DPF1: variants seen among roughly 807,000 people sequenced by gnomAD.
DPF1 encodes the protein double PHD fingers 1.
A neutral mutation model predicts 58.7 loss-of-function variants in DPF1; 14 were observed. That is an observed-to-expected ratio of 0.24 (90% CI 0.16 to 0.37). The LOEUF is 0.37. Ranked by LOEUF, DPF1 falls within the 10% of genes least tolerant of loss-of-function variation. The probability of loss-of-function intolerance (pLI) is 1.00; values close to 1 mark genes in which losing one functional copy is unlikely to be tolerated. For synonymous variants in DPF1, 216 were observed against 216.0 expected, an observed-to-expected ratio of 1.00 and a Z score of 0.00; for missense variants, 345 against 529.9, an observed-to-expected ratio of 0.65 and a Z score of 3.43.
chr19:38,218,483 G>A, intron 5 of DPF1, 90 bp downstream of exon 5: 1 of 1,372,942 alleles, frequency 7.3e-7, no homozygotes, highest in Admixed American at 1.7e-5. Flanking sequence ...ACTGAGGTCA[G>A]ACTGTGGCAG....
At position 38,211,873 on chromosome 19, in the gene DPF1, G is replaced by A. The variant is rs1600226352; in HGVS notation, c.*190C>T. 1 of 620,114 alleles carries A rather than the reference G, an allele frequency of 1.6e-6. No homozygotes were observed. The allele number at this position is 620,114 out of a possible 1,614,324, so 38.4% of individuals were successfully genotyped here. ...CAGAGAGGGAGGGAGGGAGGGAGAG[G>A]CCCTGGCCGGGCCCACCCACCCACA... On this transcript the variant is annotated 3_prime_UTR_variant, in exon 12 of 12. Transcript: ENST00000355526. The surrounding 1 kb of genome is among the most constrained non-coding windows in gnomAD (Gnocchi z 4.0).
In DPF1 at chr19:38,217,503, G is replaced by A. The variant is rs1203633711; in HGVS notation, c.684C>T (p.Ala228=). 6 of 1,551,194 alleles carry A rather than the reference G, an allele frequency of 3.9e-6. No homozygotes were observed. In the East Asian group the frequency reaches 7.3e-5, roughly 19 times the overall value. The stretch of plus-strand genomic sequence containing the variant: ...GGTGGAAGGGCAGGGCGTGGCGTTC[G>A]GCGTTCTCCTCCCCCTCCTCCTCGG... ...HLAEEEGEEN[A]ERHALPFHRK... The change falls in exon 7 of 12, where the codon GCC becomes GCT. Residue 228 remains alanine (A), a synonymous_variant. Transcript: ENST00000355526.
At chr19:38,219,201 GC>G in intron 3 of DPF1, 143 bp from the exon 4 acceptor site, 1 of 1,245,262 alleles carries the variant, frequency 8.0e-7, no homozygotes, top group Non-Finnish European at 1.1e-6. Flanking sequence ...TAGGAGGGAG[GC>G]CCAGACTCTG....
intron 7 of DPF1, 170 bp downstream of exon 7, chr19:38,217,290 G>T: frequency 2.4e-6 from 2 of 844,658 alleles, no homozygotes; most frequent in Non-Finnish European, 3.6e-6. Context: ...GCGATGGTTG[G>T]TTGCCATGGC....
In DPF1 at chr19:38,229,523, G is replaced by A; in HGVS notation, c.-132+36C>T. On this transcript the variant is annotated intron_variant, in intron 1 of 11. Transcript: ENST00000412732. The surrounding 1 kb of genome is among the most constrained non-coding windows in gnomAD (Gnocchi z 5.3). Reference sequence around the variant, plus strand: ...CGGGGGAAGGGCTCCTGGTGGGGGGGTCTGGACAGGGGGCGGGGACGGCAG... The same window carrying A: ...CGGGGGAAGGGCTCCTGGTGGGGGGATCTGGACAGGGGGCGGGGACGGCAG... 3.8e-6 allele frequency: 4 copies of A among 1,060,318 alleles called. No individual in the cohort carries two copies. The highest frequency in any genetic ancestry group is 4.6e-6 in the Non-Finnish European group (4 of 866,310). 65.7% of individuals were successfully genotyped at this position (1,060,318 alleles called of 1,614,324 possible). A position where few individuals can be genotyped will look rare whatever the true frequency, so the allele number is the denominator to read the frequency against.
chr19:38,217,391 A>ACCC, intron 7 of DPF1, 69 bp downstream of exon 7: 1 of 302,516 alleles, frequency 3.3e-6, no homozygotes, highest in Non-Finnish European at 4.9e-6. Context: ...CCCCACCCCC[A>ACCC]CCCCCAGCTG....
chr19:38,218,463 ATGAGGTCAGAC>A (rs1568630567), intron 5 of DPF1, 99 bp downstream of exon 5: 15 of 1,149,816 alleles, frequency 1.3e-5, no homozygotes, highest in African/African-American at 3.1e-5. Flanking sequence ...TGGGGATTCA[ATGAGGTCAGAC>A]TGAGGTCAGA....
upstream of DPF1, among the ~76,000 whole-genome samples, chr19:38,227,491 T>C (rs1231873148): frequency 1.3e-5 from 2 of 151,978 alleles, no homozygotes; most frequent in Non-Finnish European, 1.5e-5. Context: ...TCCTACACAC[T>C]TGAACTCCCA....
At chr19:38,219,304 C>CA (rs1967273716) in intron 3 of DPF1, 1 of 541,840 alleles carries the variant, frequency 1.8e-6, no homozygotes, top group African/African-American at 1.9e-5. Flanking sequence ...CAGAAAAAGA[C>CA]ACAGTTAGGC....
chr19:38,217,913 G>A (rs752156712), intron 5 of DPF1, 37 bp from the exon 6 acceptor site: 8 of 1,610,338 alleles, frequency 5.0e-6, no homozygotes, highest in Non-Finnish European at 5.9e-6. Context: ...CCAAGAAAGT[G>A]AGAAAACAGG....
upstream of DPF1, among the ~76,000 whole-genome samples, chr19:38,227,001 C>CT (rs1568325245): frequency 7.5e-6 from 1 of 134,008 alleles, no homozygotes; most frequent in East Asian, 2.3e-4. Context: ...TCTCTTCCTT[C>CT]CTTCCTTCCT....
chr19:38,222,392 T>G lies in DPF1; in HGVS notation c.263A>C (p.Glu88Ala). The stretch of plus-strand genomic sequence containing the variant: ...CTCGCAGGGCCTGAGTCTGGGGTCC[T>G]CCAGGATGTTGAGTCTCCGTTTCTT... ...WRKKRRLNIL[E>A]DPRLRPCEYK... The change falls in exon 3 of 12, where the codon GAG (glutamate) becomes GCG (alanine). Residue 88 changes from glutamate to alanine, a missense_variant. Physicochemically the swap from Glu to Ala is moderately radical, Grantham distance 107. Transcript: ENST00000355526. This position sits in a 1 kb window ranked among gnomAD's most constrained non-coding sequence, Gnocchi z 4.9. The G allele has an allele frequency of 1.3e-6, 2 of 1,589,012 alleles. No individual in the cohort carries two copies. The highest frequency in any genetic ancestry group is 1.7e-6 in the Non-Finnish European group (2 of 1,173,430).
intron 6 of DPF1, 102 bp from the exon 7 acceptor site, chr19:38,217,693 G>A: frequency 6.4e-7 from 1 of 1,567,430 alleles, no homozygotes; most frequent in Non-Finnish European, 8.7e-7. Context: ...CCAGAGACCT[G>A]AGCAGCCTCC....
upstream of DPF1, among the ~76,000 whole-genome samples, chr19:38,227,678 C>T (rs1036030010): frequency 1.3e-5 from 2 of 152,218 alleles, no homozygotes; most frequent in African/African-American, 4.8e-5. Flanking sequence ...CTTAGCCCCA[C>T]GACAGTCCCA....
In DPF1 at chr19:38,222,367, C is replaced by T. The variant is rs771247053; in HGVS notation, c.288G>A (p.Glu96=). The change falls in exon 3 of 12, where the codon GAG becomes GAA. Residue 96 remains glutamate (E), a synonymous_variant. Transcript: ENST00000355526. The surrounding 1 kb of genome is among the most constrained non-coding windows in gnomAD (Gnocchi z 4.9). ...ILEDPRLRPC[E]YKIDCEAPLK... is the part of the protein sequence containing the mutation. ...AGCGGCTGCACCCACCGATCTTGTA[C>T]TCGCAGGGCCTGAGTCTGGGGTCCT... 56 of 1,589,482 alleles carry T rather than the reference C, an allele frequency of 3.5e-5. No homozygotes were observed. Among genetic ancestry groups the T allele is most frequent in the Non-Finnish European group, 4.6e-5 (54 of 1,173,582 alleles).
Position 38,213,625 on chromosome 19 carries a change from G to T in DPF1, c.1011+19C>A, listed in dbSNP as rs371537645. ...GGCGGGGCGGGCAGCAGGGCACGCG[G>T]GGGGCGGGCGGCACTCACGTCGTTC... On this transcript the variant is annotated intron_variant, in intron 10 of 11. Coordinates refer to ENST00000355526, the MANE Select transcript of DPF1 (RefSeq NM_001135155.3). The T allele has an allele frequency of 6.2e-7, 1 of 1,607,334 alleles. No homozygotes were observed. The highest frequency in any genetic ancestry group is 2.2e-5 in the East Asian group (1 of 44,758).
chr19:38,218,352 C>T (rs936347631), intron 5 of DPF1, among the ~76,000 whole-genome samples: 1 of 152,158 alleles, frequency 6.6e-6, no homozygotes, highest in South Asian at 2.1e-4. Flanking sequence ...TAGCTCTAAC[C>T]CACTGCATAA....
Position 38,224,104 on chromosome 19 carries a change from C to G in DPF1, c.29+10G>C. 6.7e-7 allele frequency: 1 copy of G among 1,502,612 alleles called. No individual in the cohort carries two copies. Among genetic ancestry groups the G allele is most frequent in the Non-Finnish European group, 8.8e-7 (1 of 1,137,162 alleles). 93.1% of individuals were successfully genotyped at this position (1,502,612 alleles called of 1,614,324 possible). ...GCGCTTCCTCTCCGCCTCCCGCCGG[C>G]CCGCACCACCTCAGGGGGCCAGGGA... On this transcript the variant is annotated intron_variant, in intron 1 of 11. Coordinates refer to ENST00000355526, the MANE Select transcript of DPF1 (RefSeq NM_001135155.3). This position sits in a 1 kb window ranked among gnomAD's most constrained non-coding sequence, Gnocchi z 4.5.
chr19:38,212,356 C>T lies in DPF1; in HGVS notation c.1017G>A (p.Gln339=), dbSNP rs1973510115. The T allele has an allele frequency of 5.0e-6, 7 of 1,401,366 alleles. No individual in the cohort carries two copies. Among genetic ancestry groups the T allele is most frequent in the Non-Finnish European group, 5.6e-6 (6 of 1,071,470 alleles). 86.8% of individuals were successfully genotyped at this position (1,401,366 alleles called of 1,614,324 possible). ...GATCGCAGTCATCACAAAACAGCAG[C>T]TGGTCCTGGGGGGTGAGACCCGCCC... The part of the protein sequence containing the change: ...SLCGTSENDD[Q]LLFCDDCDRG... Residue 339 remains glutamine, a synonymous_variant, in exon 11 of 12, where the codon CAG becomes CAA. Transcript: ENST00000355526.
Sources: allele counts gnomAD v4.1 joint callset (sites outside exome capture counted in the v4.1 genomes callset), GRCh38; gene constraint gnomAD v4.1.1; non-coding constraint Gnocchi (gnomAD v3.1); transcripts MANE v1.5; gene names NCBI Gene and HGNC (gene_info 2026-07-23, HGNC 2026-07-21).